CHD7: variants seen among roughly 807,000 people sequenced by gnomAD.
CHD7 encodes ATP-dependent chromatin remodeler CHD7.
CHD7 carries 24 observed loss-of-function variants against 307.3 expected under a neutral mutation model. That is an observed-to-expected ratio of 0.08 (90% CI 0.06 to 0.11). The LOEUF is 0.11. CHD7 is among the 10% of genes least tolerant of loss of function. CHD7 has a pLI of 1.00. For synonymous variants in CHD7, 1,363 were observed against 1,349.9 expected, an observed-to-expected ratio of 1.01 and a Z score of -0.21; for missense variants, 3,106 against 3,727.1, an observed-to-expected ratio of 0.83 and a Z score of 4.34.
At chr8:60,720,981 G>A (rs888141105) in intron 1 of CHD7, among the ~76,000 whole-genome samples, 8 of 152,160 alleles carry the variant, frequency 5.3e-5, no homozygotes, top group African/African-American at 1.7e-4. Context: ...CTGGGATTCC[G>A]TTGGCGGCTG....
rs539602540 is a variant in CHD7, at chr8:60,751,602, T to C, written c.1665+8505T>C. ...TATTTCCTTTGTTGCTGAATGCAGC[T>C]CTTGTATCAGTGAAGAAAGTCAGTA... is the stretch of plus-strand genomic sequence containing the variant. On this transcript the variant is annotated intron_variant, in intron 2 of 37. Transcript: ENST00000423902. 3.3e-5 allele frequency among the ~76,000 whole-genome samples: 5 copies of C among 152,368 alleles called. No homozygotes were observed. In the South Asian group the frequency reaches 6.2e-4, roughly 19 times the overall value.
At chr8:60,802,666 C>G (rs1456357367) in intron 6 of CHD7, among the ~76,000 whole-genome samples, 5 of 152,090 alleles carry the variant, frequency 3.3e-5, no homozygotes, top group Non-Finnish European at 1.5e-5. Flanking sequence ...TTATTTTTAG[C>G]AAAATGTATA....
intron 1 of CHD7, among the ~76,000 whole-genome samples, chr8:60,684,817 A>C (rs1334662733): frequency 6.6e-6 from 1 of 152,166 alleles, no homozygotes; most frequent in Non-Finnish European, 1.5e-5. Flanking sequence ...AGAAGATTGA[A>C]TTGGTGGGTG....
At chr8:60,844,324 C>T (rs911702011) in intron 21 of CHD7, among the ~76,000 whole-genome samples, 1 of 152,174 alleles carries the variant, frequency 6.6e-6, no homozygotes, top group African/African-American at 2.4e-5. Flanking sequence ...GGTTCTTATG[C>T]TTGGGGTTAT....
chr8:60,833,355 T>A (rs575428392), intron 15 of CHD7, among the ~76,000 whole-genome samples: 24 of 152,230 alleles, frequency 1.6e-4, no homozygotes, highest in Non-Finnish European at 3.1e-4. Context: ...AAGAATAATG[T>A]TGAAAACATG....
At chr8:60,719,380 A>T (rs1258409751) in intron 1 of CHD7, among the ~76,000 whole-genome samples, 3 of 152,212 alleles carry the variant, frequency 2.0e-5, no homozygotes, top group Non-Finnish European at 2.9e-5. Flanking sequence ...TTAGATTTAG[A>T]TAGATAGATT....
chr8:60,679,254 G>A (rs1213565411), intron 1 of CHD7, among the ~76,000 whole-genome samples, 172 bp downstream of exon 1: 2 of 148,314 alleles, frequency 1.3e-5, no homozygotes, highest in Admixed American at 6.7e-5. Flanking sequence ...GCCAGCGCAG[G>A]AGCGCAGCGC....
intron 1 of CHD7, among the ~76,000 whole-genome samples, chr8:60,705,179 G>T (rs542181691): frequency 4.5e-4 from 68 of 152,240 alleles, no homozygotes; most frequent in African/African-American, 1.6e-3. Flanking sequence ...TGAGGGAATA[G>T]GTCTCGGCCT....
intron 2 of CHD7, among the ~76,000 whole-genome samples, chr8:60,744,451 A>G (rs1809217769): frequency 6.6e-6 from 1 of 151,168 alleles, no homozygotes; most frequent in Non-Finnish European, 1.5e-5. Flanking sequence ...TCAGTAAACA[A>G]AGCCACTCAG....
At position 60,742,062 on chromosome 8, in the gene CHD7, G is replaced by A. The variant is rs560742342; in HGVS notation, c.630G>A (p.Met210Ile). The change falls in exon 2 of 38, where the codon ATG becomes ATA. Residue 210 changes from methionine (M) to isoleucine (I), a missense_variant. Coordinates refer to ENST00000423902, the MANE Select transcript of CHD7 (RefSeq NM_017780.4). Reference sequence around the variant, plus strand: ...AGCATGGTCAGCCACAGCAGAGGATGAGCCAGTTTTCCCAAGGCCAAGAGG... The same window carrying A: ...AGCATGGTCAGCCACAGCAGAGGATAAGCCAGTTTTCCCAAGGCCAAGAGG... Reference protein sequence around the residue: ...MQQHGQPQQRMSQFSQGQEGL... With the variant: ...MQQHGQPQQRISQFSQGQEGL... The A allele has an allele frequency of 2.5e-6, 4 of 1,613,916 alleles. No homozygotes were observed. The highest frequency in any genetic ancestry group is 1.3e-5 in the African/African-American group (1 of 75,038).
intron 2 of CHD7, among the ~76,000 whole-genome samples, chr8:60,778,378 C>T (rs1297508777): frequency 6.6e-6 from 1 of 152,120 alleles, no homozygotes; most frequent in Non-Finnish European, 1.5e-5. Flanking sequence ...CACTTTTTTC[C>T]TCCTTATGCA....
chr8:60,850,726 T>G lies in CHD7; in HGVS notation c.5534+104T>G, dbSNP rs1171229752. The G allele has an allele frequency of 4.9e-6, 6 of 1,217,904 alleles. No homozygotes were observed. In the East Asian group the frequency reaches 1.5e-4, roughly 31 times the overall value. 75.4% of individuals were successfully genotyped at this position (1,217,904 alleles called of 1,614,324 possible). The stretch of plus-strand genomic sequence containing the variant: ...AGTACACACTGTATTGTGTCTGATT[T>G]GAAGTTCAGGAGATGTTTACCAGTC... On this transcript the variant is annotated intron_variant, in intron 26 of 37. Transcript: ENST00000423902.
At chr8:60,811,106 T>C (rs1478534953) in intron 7 of CHD7, among the ~76,000 whole-genome samples, 1 of 152,152 alleles carries the variant, frequency 6.6e-6, no homozygotes, top group Non-Finnish European at 1.5e-5. Context: ...CGTGGAAAAA[T>C]TGTCTTCCAC....
chr8:60,796,828 C>T (rs1057459093), intron 4 of CHD7, among the ~76,000 whole-genome samples: 2 of 152,138 alleles, frequency 1.3e-5, no homozygotes, highest in African/African-American at 2.4e-5. Flanking sequence ...TATTATGTTT[C>T]TTCCTGTAAC....
At chr8:60,722,059 G>A (rs1293083227) in intron 1 of CHD7, among the ~76,000 whole-genome samples, 1 of 152,156 alleles carries the variant, frequency 6.6e-6, no homozygotes, top group Non-Finnish European at 1.5e-5. Context: ...GCAAAAGTAA[G>A]GTATTTCCTT....
intron 1 of CHD7, chr8:60,679,622 A>T (rs993597137): frequency 6.8e-6 from 1 of 146,850 alleles, no homozygotes; most frequent in Non-Finnish European, 1.5e-5. Flanking sequence ...GCGGCTGAGC[A>T]GCGGCGGCGG....
chr8:60,817,421 C>A (rs1041861776), intron 8 of CHD7, among the ~76,000 whole-genome samples: 1 of 152,098 alleles, frequency 6.6e-6, no homozygotes, highest in Admixed American at 6.5e-5. Flanking sequence ...TCATAAAATT[C>A]TTATACTATC....
At chr8:60,796,333 T>C (rs7000957) in intron 4 of CHD7, among the ~76,000 whole-genome samples, 127,378 of 152,232 alleles carry the variant, frequency 0.84, 53,739 homozygotes, top group East Asian at 0.94. Context: ...ACAACTAAAG[T>C]GTTTTATTGA....
At chr8:60,765,986 G>A (rs892792858) in intron 2 of CHD7, among the ~76,000 whole-genome samples, 1 of 152,178 alleles carries the variant, frequency 6.6e-6, no homozygotes, top group Non-Finnish European at 1.5e-5. Context: ...ACAGAGAGTA[G>A]TGGTGTAGTA....
Sources: gnomAD v4.1 joint callset for allele counts (sites outside exome capture counted in the v4.1 genomes callset) on GRCh38, gnomAD v4.1.1 for gene constraint, MANE v1.5 for transcripts, NCBI Gene and HGNC (gene_info 2026-07-23, HGNC 2026-07-21) for gene names.